Variants in PTPRO observed in about 807,000 individuals in gnomAD.
The protein encoded by PTPRO is receptor-type tyrosine-protein phosphatase O.
Under a neutral mutation model 145.2 loss-of-function variants are expected in PTPRO, and 62 were observed. The ratio of observed to expected loss-of-function variants is 0.43; its 90% CI spans 0.35 to 0.53. The LOEUF is 0.53. PTPRO is among the 20% of genes least tolerant of loss of function. PTPRO has a pLI of 0.01. For missense variants in PTPRO, 1,345 were observed against 1,482.7 expected (o/e 0.91, Z 1.53); for synonymous variants, 565 against 514.7 (o/e 1.10, Z -1.32).
intron 9 of PTPRO, among the ~76,000 whole-genome samples, chr12:15,518,925 T>G (rs1049952543): frequency 6.6e-6 from 1 of 152,212 alleles, no homozygotes; most frequent in African/African-American, 2.4e-5. Context: ...CTCCAAACTG[T>G]TCCAGCCTCT....
chr12:15,501,483 A>G (rs182290594), intron 4 of PTPRO, 137 bp from the exon 5 acceptor site: 15 of 805,312 alleles, frequency 1.9e-5, no homozygotes, highest in Non-Finnish European at 2.8e-5. Context: ...ATCTTGATGT[A>G]AATTTGTCTG....
rs116902395 is a variant in PTPRO at position 15,448,285 on chromosome 12, T to G, written c.76-35689T>G. Among the ~76,000 whole-genome samples, 372 of 135,562 alleles carry G rather than the reference T, an allele frequency of 2.7e-3. 1 individual carries two copies. Among genetic ancestry groups the G allele is most frequent in the Admixed American group, 5.2e-3 (62 of 11,864 alleles). The allele number at this position is 135,562 out of a possible 152,430, so 88.9% of individuals were successfully genotyped here. Reference sequence around the variant, plus strand: ...CCCTATGGAATCTTATTCAAAAGAATCCACCTGGCATTATATATTTGCCTT... The same window carrying G: ...CCCTATGGAATCTTATTCAAAAGAAGCCACCTGGCATTATATATTTGCCTT... On this transcript the variant is annotated intron_variant, in intron 1 of 26. Transcript: ENST00000281171.
intron 1 of PTPRO, among the ~76,000 whole-genome samples, chr12:15,454,930 C>T (rs954598330): frequency 2.0e-5 from 3 of 152,006 alleles, no homozygotes; most frequent in Non-Finnish European, 4.4e-5. Flanking sequence ...TATTCTCTTC[C>T]ATCGGTCTAT....
chr12:15,352,628 C>T (rs1311983790), intron 1 of PTPRO, among the ~76,000 whole-genome samples: 11 of 130,140 alleles, frequency 8.5e-5, no homozygotes, highest in African/African-American at 1.8e-4. Context: ...CCAGCCTGGG[C>T]GACAGAGCAA....
Position 15,504,035 on chromosome 12 carries a change from AAGTCAGTC to A in PTPRO, c.1236_1243del (p.Gln413LysfsTer15). On this transcript the variant is annotated frameshift_variant, in exon 6 of 27. Transcript: ENST00000281171. LOFTEE classifies it high-confidence loss of function. ...CCTCAGGATCTTGTGAAACTCGAAA[AAGTCAGTC>A]AGCAAAATCACTCAGCTTTTATATC... The A allele has an allele frequency of 2.5e-6, 4 of 1,613,344 alleles. No individual in the cohort carries two copies. The highest frequency in any genetic ancestry group is 3.4e-6 in the Non-Finnish European group (4 of 1,179,410).
chr12:15,578,905 T>G lies in PTPRO; in HGVS notation c.2882T>G (p.Leu961Arg). 6.2e-7 allele frequency: 1 copy of G among 1,607,366 alleles called. No individual in the cohort carries two copies. Among genetic ancestry groups the G allele is most frequent in the South Asian group, 1.1e-5 (1 of 90,930 alleles). Residue 961 changes from leucine (L) to arginine (R), a missense_variant, in exon 20 of 27, where the codon CTG becomes CGG. By Grantham distance (102) the Leu-to-Arg change is moderately radical. Transcript: ENST00000281171. ...DIPHFAADLP[L>R]NRCKNRYTNI... ...CCACACTTTGCTGCAGATCTTCCAC[T>G]GAATCGATGTAAAAACCGTTACACA...
At chr12:15,496,142 G>GTTTTTTTTTTTTTTTTTTTTCTTTTTT (rs1942099615) in intron 2 of PTPRO, among the ~76,000 whole-genome samples, 1 of 75,366 alleles carries the variant, frequency 1.3e-5, no homozygotes, top group Non-Finnish European at 2.4e-5. Flanking sequence ...TTCTTTTTTT[G>GTTTTTTTTTTTTTTTTTTTTCTTTTTT]TTTTTTTTTT....
At chr12:15,420,048 G>C (rs1465436745) in intron 1 of PTPRO, among the ~76,000 whole-genome samples, 1 of 150,474 alleles carries the variant, frequency 6.6e-6, no homozygotes, top group Non-Finnish European at 1.5e-5. Flanking sequence ...TCGGGAGGCT[G>C]AGGCAGGAGA....
intron 1 of PTPRO, among the ~76,000 whole-genome samples, chr12:15,411,327 A>T (rs1469623922): frequency 6.6e-6 from 1 of 152,160 alleles, no homozygotes; most frequent in Non-Finnish European, 1.5e-5. Flanking sequence ...CTATTATTTT[A>T]TGTGAAAATA....
chr12:15,380,910 A>G (rs1274193989), intron 1 of PTPRO, among the ~76,000 whole-genome samples: 1 of 152,202 alleles, frequency 6.6e-6, no homozygotes, highest in Non-Finnish European at 1.5e-5. Context: ...ACCGCTGTGA[A>G]TGGATTTTTT....
At chr12:15,390,359 C>G (rs775597574) in intron 1 of PTPRO, among the ~76,000 whole-genome samples, 1 of 152,018 alleles carries the variant, frequency 6.6e-6, no homozygotes. Flanking sequence ...TCTGTGTGGC[C>G]GGGGAGGCTT....
At chr12:15,504,385 C>T (rs533034329) in intron 6 of PTPRO, among the ~76,000 whole-genome samples, 5 of 152,004 alleles carry the variant, frequency 3.3e-5, no homozygotes, top group South Asian at 2.1e-4. Flanking sequence ...TTGGGAAATA[C>T]GACATTTGTT....
chr12:15,424,006 T>A (rs1229596667), intron 1 of PTPRO, among the ~76,000 whole-genome samples: 1 of 152,212 alleles, frequency 6.6e-6, no homozygotes, highest in Non-Finnish European at 1.5e-5. Context: ...TTAAAATATG[T>A]CAGGCTAATA....
At chr12:15,578,744 G>A (rs1464704248) in intron 19 of PTPRO, 109 bp from the exon 20 acceptor site, 2 of 825,444 alleles carry the variant, frequency 2.4e-6, no homozygotes, top group African/African-American at 3.4e-5. Context: ...TCTAAAGGGA[G>A]CTACTGCAAT....
intron 1 of PTPRO, among the ~76,000 whole-genome samples, chr12:15,434,595 A>T (rs977825142): frequency 3.3e-5 from 5 of 152,192 alleles, no homozygotes; most frequent in Admixed American, 1.3e-4. Flanking sequence ...TTTCCAATGT[A>T]TGTAGGTGTT....
chr12:15,377,434 C>T lies in PTPRO; in HGVS notation c.75+54633C>T, dbSNP rs143250676. Among the ~76,000 whole-genome samples, 998 of 151,656 alleles carry T rather than the reference C, an allele frequency of 6.6e-3. 14 individuals are homozygous for T. The highest frequency in any genetic ancestry group is 0.023 in the African/African-American group (960 of 41,378). On this transcript the variant is annotated intron_variant, in intron 1 of 26. Coordinates refer to ENST00000281171, the MANE Select transcript of PTPRO (RefSeq NM_030667.3). ...GTCTACAAGAGACACATTTTAGATT[C>T]AAAGAAATAAATAGGTTGAAAGTAG...
intron 12 of PTPRO, chr12:15,546,210 T>G (rs1457051688): frequency 9.7e-6 from 5 of 517,470 alleles, no homozygotes; most frequent in Non-Finnish European, 1.3e-5. Context: ...TCCACCTTTA[T>G]TAAGTGCAGA....
chr12:15,352,242 G>T lies in PTPRO; in HGVS notation c.75+29441G>T, dbSNP rs376055893. On this transcript the variant is annotated intron_variant, in intron 1 of 26. Coordinates refer to ENST00000281171, the MANE Select transcript of PTPRO (RefSeq NM_030667.3). ...TACATCGGTTCTGCCCAAATTATTT[G>T]ATTGACATTTTTAGAGAAAGTCAGG... Among the ~76,000 whole-genome samples the T allele has an allele frequency of 3.0e-4, 46 of 152,302 alleles. 1 individual carries two copies. In the South Asian group the frequency reaches 9.1e-3, roughly 30 times the overall value.
chr12:15,527,747 G>A (rs1365932771), intron 12 of PTPRO, among the ~76,000 whole-genome samples: 1 of 152,152 alleles, frequency 6.6e-6, no homozygotes, highest in Non-Finnish European at 1.5e-5. Flanking sequence ...ATATTTGCTA[G>A]GCAAACATAG....
Sources: allele counts gnomAD v4.1 joint callset (sites outside exome capture counted in the v4.1 genomes callset), GRCh38; gene constraint gnomAD v4.1.1; transcripts MANE v1.5; gene names NCBI Gene and HGNC (gene_info 2026-07-23, HGNC 2026-07-21).